Variants in NEO1 observed in about 807,000 individuals in gnomAD.
NEO1 encodes the protein neogenin 1.
In NEO1, 63 loss-of-function variants were observed where a neutral mutation model predicts 159.7. That is an observed-to-expected ratio of 0.39 (90% CI 0.32 to 0.49). NEO1 has a LOEUF of 0.49. NEO1 is among the 20% of genes least tolerant of loss of function. NEO1 has a pLI of 0.85. For synonymous variants in NEO1, 633 were observed against 662.0 expected (o/e 0.96, Z 0.67); for missense variants, 1,615 against 1,831.0 (o/e 0.88, Z 2.15).
At chr15:73,237,658 A>C (rs1010369907) in intron 8 of NEO1, among the ~76,000 whole-genome samples, 2 of 152,236 alleles carry the variant, frequency 1.3e-5, no homozygotes, top group African/African-American at 4.8e-5. Flanking sequence ...TAACACCAAC[A>C]GATGGGAGTT....
chr15:73,256,843 C>T (rs951788630), intron 13 of NEO1, among the ~76,000 whole-genome samples: 2 of 152,014 alleles, frequency 1.3e-5, no homozygotes, highest in African/African-American at 4.8e-5. Context: ...AATCCCAGCA[C>T]TTTGAGAGGC....
intron 22 of NEO1, among the ~76,000 whole-genome samples, chr15:73,282,591 A>G (rs1190420305): frequency 6.6e-6 from 1 of 152,254 alleles, no homozygotes; most frequent in African/African-American, 2.4e-5. Context: ...AGAAAACTAA[A>G]TGACTTATAA....
intron 7 of NEO1, among the ~76,000 whole-genome samples, chr15:73,223,472 G>A (rs534381783): frequency 2.6e-5 from 4 of 152,116 alleles, no homozygotes; most frequent in Non-Finnish European, 5.9e-5. Flanking sequence ...CCAGTGTTAG[G>A]TGCATATATG....
At chr15:73,155,299 A>G (rs1160077206) in intron 5 of NEO1, among the ~76,000 whole-genome samples, 1 of 152,114 alleles carries the variant, frequency 6.6e-6, no homozygotes, top group Non-Finnish European at 1.5e-5. Flanking sequence ...TCTGGCTTAT[A>G]AGGATTCTGC....
Position 73,284,609 on chromosome 15 carries a change from G to A in NEO1, c.3410+1498G>A, listed in dbSNP as rs1334805243. On this transcript the variant is annotated intron_variant, in intron 23 of 28. Transcript: ENST00000261908. ...TTTTTTTTTTTTTTTCTTTTGAGAC[G>A]GTGTCTCTCTCTGTTGCCCAGGCTG... is the stretch of plus-strand genomic sequence containing the variant. Among the ~76,000 whole-genome samples, 5 of 141,170 alleles carry A rather than the reference G, an allele frequency of 3.5e-5. No homozygotes were observed. The East Asian group carries it at 8.3e-4, about 23-fold the overall frequency. The allele number at this position is 141,170 out of a possible 152,430, so 92.6% of individuals were successfully genotyped here.
intron 7 of NEO1, among the ~76,000 whole-genome samples, chr15:73,217,251 G>A (rs1182799877): frequency 6.6e-6 from 1 of 150,530 alleles, no homozygotes; most frequent in African/African-American, 2.4e-5. Context: ...GATATGCAGT[G>A]TTATTTCTGA....
chr15:73,172,138 T>C (rs1335453040), intron 5 of NEO1, among the ~76,000 whole-genome samples: 1 of 152,172 alleles, frequency 6.6e-6, no homozygotes, highest in Non-Finnish European at 1.5e-5. Context: ...TGACCATGAC[T>C]TGATAATTGT....
chr15:73,069,219 C>G (rs956766001), intron 1 of NEO1, among the ~76,000 whole-genome samples: 1 of 151,126 alleles, frequency 6.6e-6, no homozygotes, highest in Non-Finnish European at 1.5e-5. Flanking sequence ...TTCTTGGCCT[C>G]CCAAAGTGCT....
chr15:73,259,273 C>T (rs573333403), intron 14 of NEO1, among the ~76,000 whole-genome samples: 1 of 152,042 alleles, frequency 6.6e-6, no homozygotes, highest in East Asian at 1.9e-4. Context: ...AGTGAGTACT[C>T]CCAAATGGGT....
At position 73,303,814 on chromosome 15, in the gene NEO1, C is replaced by T. The variant is rs1387566769; in HGVS notation, c.*1118C>T. 6.6e-6 allele frequency: 1 copy of T among 152,220 alleles called. No homozygotes were observed. Among genetic ancestry groups the T allele is most frequent in the Non-Finnish European group, 1.5e-5 (1 of 68,044 alleles). The allele number at this position is 152,220 out of a possible 1,614,324, so 9.4% of individuals were successfully genotyped here. On this transcript the variant is annotated 3_prime_UTR_variant, in exon 29 of 29. Coordinates refer to ENST00000261908, the MANE Select transcript of NEO1 (RefSeq NM_002499.4). Reference sequence around the variant, plus strand: ...CACACAGAATAGGGTAAGAGCCTGACCCCATTCTGTAAATCAGAAAGCAAG... The same window carrying T: ...CACACAGAATAGGGTAAGAGCCTGATCCCATTCTGTAAATCAGAAAGCAAG...
intron 5 of NEO1, among the ~76,000 whole-genome samples, chr15:73,155,460 A>G (rs1320599183): frequency 6.6e-6 from 1 of 152,150 alleles, no homozygotes; most frequent in African/African-American, 2.4e-5. Flanking sequence ...TTTTTGGAAT[A>G]TATTTTCCTC....
intron 5 of NEO1, among the ~76,000 whole-genome samples, chr15:73,172,895 C>A (rs2035056258): frequency 6.6e-6 from 1 of 152,098 alleles, no homozygotes; most frequent in Non-Finnish European, 1.5e-5. Flanking sequence ...AAAACTGTCC[C>A]ATTTGGGGAT....
In NEO1 at chr15:73,284,422, G is replaced by A. The variant is rs2151102034; in HGVS notation, c.3410+1311G>A. On this transcript the variant is annotated intron_variant, in intron 23 of 28. Transcript: ENST00000261908. ...CCACCCTGTAACTGCTACTGGTAAT[G>A]ACTTTATGTCATTTTTTGTAAGTTA... Among the ~76,000 whole-genome samples, 4 of 152,200 alleles carry A rather than the reference G, an allele frequency of 2.6e-5. No homozygotes were observed. In the Middle Eastern group the frequency reaches 0.01, roughly 388 times the overall value.
At chr15:73,175,751 A>G (rs2035248123) in intron 5 of NEO1, among the ~76,000 whole-genome samples, 1 of 152,220 alleles carries the variant, frequency 6.6e-6, no homozygotes, top group East Asian at 1.9e-4. Context: ...GATCTACTTC[A>G]ACCCTTCTAA....
intron 21 of NEO1, among the ~76,000 whole-genome samples, chr15:73,275,246 T>C (rs922995715): frequency 6.6e-6 from 1 of 152,246 alleles, no homozygotes; most frequent in African/African-American, 2.4e-5. Context: ...TCTGTGTGAC[T>C]AAATTACTGC....
At chr15:73,201,343 G>A (rs1266576691) in intron 7 of NEO1, among the ~76,000 whole-genome samples, 1 of 151,650 alleles carries the variant, frequency 6.6e-6, no homozygotes, top group East Asian at 1.9e-4. Flanking sequence ...GAGTTATTTA[G>A]ATATATTTAT....
chr15:73,115,053 T>A (rs577368228), intron 1 of NEO1, among the ~76,000 whole-genome samples: 54 of 144,632 alleles, frequency 3.7e-4, no homozygotes, highest in African/African-American at 1.3e-3. Flanking sequence ...CCTGAAACAC[T>A]TTTTTTTTTT....
chr15:73,148,902 T>A (rs1406338728), intron 5 of NEO1, among the ~76,000 whole-genome samples: 2 of 150,726 alleles, frequency 1.3e-5, no homozygotes, highest in Non-Finnish European at 3.0e-5. Context: ...TAATTGGAAG[T>A]GAGATATTTA....
chr15:73,288,622 CCT>C, intron 24 of NEO1, 71 bp downstream of exon 24: 1 of 1,334,414 alleles, frequency 7.5e-7, no homozygotes, highest in South Asian at 1.3e-5. Flanking sequence ...TTTTTTTTTC[CCT>C]GAGTTTGCCT....
Sources: allele counts gnomAD v4.1 joint callset (sites outside exome capture counted in the v4.1 genomes callset), GRCh38; gene constraint gnomAD v4.1.1; transcripts MANE v1.5; gene names NCBI Gene and HGNC (gene_info 2026-07-23, HGNC 2026-07-21).